The following PKHD1 variants were observed in gnomAD, a reference collection of about 807,000 sequenced individuals.
The protein encoded by PKHD1 is fibrocystin.
PKHD1 carries 291 observed loss-of-function variants against 412.0 expected under a neutral mutation model. The observed-to-expected ratio is 0.71, with a 90% confidence interval of 0.64 to 0.78. The LOEUF (loss-of-function observed/expected upper bound fraction) is 0.78, where lower values mean the gene tolerates loss of function less well. Ranked by LOEUF, PKHD1 falls within the 30% of genes least tolerant of loss-of-function variation. PKHD1 has a pLI of 0.00. For synonymous variants in PKHD1, 1,777 were observed against 1,821.5 expected (o/e 0.98, Z 0.62); for missense variants, 4,825 against 4,950.7 (o/e 0.97, Z 0.76).
chr6:51,781,533 C>T (rs1439336941), intron 53 of PKHD1, among the ~76,000 whole-genome samples: 4 of 152,030 alleles, frequency 2.6e-5, no homozygotes, highest in East Asian at 1.9e-4. Flanking sequence ...TCCATAAGGT[C>T]GAGCAAATTA....
chr6:51,859,482 C>T (rs186063866), intron 48 of PKHD1, among the ~76,000 whole-genome samples: 22 of 140,824 alleles, frequency 1.6e-4, no homozygotes, highest in African/African-American at 3.7e-4. Flanking sequence ...GCAGAAATCG[C>T]GCCACTGCAC....
intron 46 of PKHD1, among the ~76,000 whole-genome samples, chr6:51,874,646 T>C (rs1432616247): frequency 6.6e-6 from 1 of 152,204 alleles, no homozygotes; most frequent in Non-Finnish European, 1.5e-5. Flanking sequence ...TCTTAATTCC[T>C]GGCCAGGCGC....
intron 64 of PKHD1, among the ~76,000 whole-genome samples, chr6:51,637,305 T>C (rs762830202): frequency 2.6e-5 from 4 of 152,168 alleles, no homozygotes; most frequent in Admixed American, 6.5e-5. Flanking sequence ...TCCCTGGGAA[T>C]TGGGAATCCC....
intron 43 of PKHD1, among the ~76,000 whole-genome samples, chr6:51,901,131 C>G (rs1328524849): frequency 1.3e-5 from 2 of 152,156 alleles, no homozygotes; most frequent in Non-Finnish European, 2.9e-5. Context: ...GGATCTAGAA[C>G]TAGAAATACC....
rs1221055854 is a variant in PKHD1, at chr6:51,880,721, C to G, written c.7350+2372G>C. ...GCATGGCACATGTATACATATGTAA[C>G]TAACCTGCACAATGTGCACATGTAC... On this transcript the variant is annotated intron_variant, in intron 46 of 66. Transcript: ENST00000371117. 2.6e-4 allele frequency among the ~76,000 whole-genome samples: 11 copies of G among 42,914 alleles called. 1 individual carries two copies. The highest frequency in any genetic ancestry group is 1.1e-3 in the African/African-American group (9 of 8,418). 28.2% of individuals were successfully genotyped at this position (42,914 alleles called of 152,430 possible).
chr6:51,764,962 T>C (rs1392212906), intron 55 of PKHD1, among the ~76,000 whole-genome samples: 1 of 152,094 alleles, frequency 6.6e-6, no homozygotes, highest in African/African-American at 2.4e-5. Context: ...TCTTCAATAA[T>C]GACATCACCT....
At chr6:51,931,487 C>T (rs1037671554) in intron 37 of PKHD1, among the ~76,000 whole-genome samples, 1 of 152,148 alleles carries the variant, frequency 6.6e-6, no homozygotes, top group Non-Finnish European at 1.5e-5. Context: ...TACCACCACG[C>T]TGGAGGGGAA....
At position 51,721,550 on chromosome 6, in the gene PKHD1, G is replaced by T. The variant is rs374558685; in HGVS notation, c.10156+22835C>A. The T allele has an allele frequency of 6.0e-5, 60 of 994,122 alleles. 1 individual carries two copies. In the South Asian group the frequency reaches 2.6e-3, roughly 43 times the overall value. 61.6% of individuals were successfully genotyped at this position (994,122 alleles called of 1,614,324 possible). On this transcript the variant is annotated intron_variant, in intron 60 of 66. Transcript: ENST00000371117. ...TTATCTCCAAAGCTCTAATTCCAAA[G>T]ATTTCAACACCACCAATTTAATATC...
At position 52,051,345 on chromosome 6, in the gene PKHD1, G is replaced by A. The variant is rs538271529; in HGVS notation, c.2141-1050C>T. 1.1e-4 allele frequency among the ~76,000 whole-genome samples: 17 copies of A among 152,268 alleles called. No individual in the cohort carries two copies. The South Asian group carries it at 3.5e-3, about 32-fold the overall frequency. On this transcript the variant is annotated intron_variant, in intron 21 of 66. Coordinates refer to ENST00000371117, the MANE Select transcript of PKHD1 (RefSeq NM_138694.4). The stretch of plus-strand genomic sequence containing the variant: ...GGAGATACAAAGAAGTTTCATAGAG[G>A]ACATTAGTCAGGGGAATATCATCAA...
chr6:52,066,903 A>G (rs1294660233), intron 11 of PKHD1, among the ~76,000 whole-genome samples: 1 of 152,160 alleles, frequency 6.6e-6, no homozygotes, highest in Non-Finnish European at 1.5e-5. Flanking sequence ...CTGTCTCAAG[A>G]AAAAATAAAA....
At chr6:51,984,336 A>C (rs1211957249) in intron 35 of PKHD1, among the ~76,000 whole-genome samples, 1 of 152,258 alleles carries the variant, frequency 6.6e-6, no homozygotes, top group East Asian at 1.9e-4. Context: ...AGAGAAAGGC[A>C]TGGAAGGAAG....
At chr6:51,782,545 A>G (rs1792194812) in intron 53 of PKHD1, among the ~76,000 whole-genome samples, 1 of 152,130 alleles carries the variant, frequency 6.6e-6, no homozygotes. Flanking sequence ...CAAAAGTCAC[A>G]TCCCTTTTAT....
chr6:51,778,448 G>C (rs1791424335), intron 53 of PKHD1, among the ~76,000 whole-genome samples: 1 of 152,092 alleles, frequency 6.6e-6, no homozygotes, highest in African/African-American at 2.4e-5. Context: ...AGCTTGTCAG[G>C]AATCACACAG....
chr6:51,957,053 T>C (rs1427222774), intron 36 of PKHD1, among the ~76,000 whole-genome samples: 2 of 152,090 alleles, frequency 1.3e-5, no homozygotes, highest in Non-Finnish European at 2.9e-5. Flanking sequence ...TATCCATTAC[T>C]TAAACCCATG....
Position 52,050,037 on chromosome 6 carries a change from G to T in PKHD1, c.2279+120C>A, listed in dbSNP as rs953356976. 3 of 916,086 alleles carry T rather than the reference G, an allele frequency of 3.3e-6. No individual in the cohort carries two copies. In the African/African-American group the frequency reaches 4.9e-5, roughly 15 times the overall value. 56.7% of individuals were successfully genotyped at this position (916,086 alleles called of 1,614,324 possible). A position where few individuals can be genotyped will look rare whatever the true frequency, so the allele number is the denominator to read the frequency against. Reference sequence around the variant, plus strand: ...AATCTGGTGCTGCATTCTCAAGATTGAGAACATTGCTTTAAGCAACAAGAC... The same window carrying T: ...AATCTGGTGCTGCATTCTCAAGATTTAGAACATTGCTTTAAGCAACAAGAC... On this transcript the variant is annotated intron_variant, in intron 22 of 66. Transcript: ENST00000371117.
chr6:51,850,929 T>C (rs909528244), intron 49 of PKHD1, among the ~76,000 whole-genome samples: 1 of 152,192 alleles, frequency 6.6e-6, no homozygotes, highest in African/African-American at 2.4e-5. Flanking sequence ...CTTCCAATAC[T>C]ATGTTGAATA....
In PKHD1 at chr6:52,027,150, C is replaced by T. The variant is rs549764632; in HGVS notation, c.3628+679G>A. 5.9e-4 allele frequency among the ~76,000 whole-genome samples: 90 copies of T among 152,288 alleles called. No homozygotes were observed. In the Middle Eastern group the frequency reaches 0.01, roughly 17 times the overall value. On this transcript the variant is annotated intron_variant, in intron 31 of 66. Transcript: ENST00000371117. ...CCTTGCATGCACAGCATCTAAATGG[C>T]GAATGCAGGACATGTTGCCCTTGTT...
At chr6:52,081,770 A>C (rs1812069747) in intron 4 of PKHD1, among the ~76,000 whole-genome samples, 1 of 152,232 alleles carries the variant, frequency 6.6e-6, no homozygotes, top group East Asian at 1.9e-4. Context: ...AGACTTCCTC[A>C]AAGAGAGAAC....
rs563285190 is a variant in PKHD1 at position 52,011,973 on chromosome 6, A to G, written c.5601-1514T>C. On this transcript the variant is annotated intron_variant, in intron 34 of 66. Coordinates refer to ENST00000371117, the MANE Select transcript of PKHD1 (RefSeq NM_138694.4). ...TGAAGGCCACCGTGCTTATACTTAG[A>G]TAGTGGTCAATTCAAAGTCTCAGAG... Among the ~76,000 whole-genome samples, 33 of 152,284 alleles carry G rather than the reference A, an allele frequency of 2.2e-4. 1 individual carries two copies. Among genetic ancestry groups the G allele is most frequent in the East Asian group, 1.7e-3 (9 of 5,180 alleles).
Sources: allele counts gnomAD v4.1 joint callset (sites outside exome capture counted in the v4.1 genomes callset), GRCh38; gene constraint gnomAD v4.1.1; transcripts MANE v1.5; gene names NCBI Gene and HGNC (gene_info 2026-07-23, HGNC 2026-07-21).